NRP2: variants seen among roughly 807,000 people sequenced by gnomAD.
The protein encoded by NRP2 is neuropilin-2.
NRP2 carries 52 observed loss-of-function variants against 110.4 expected under a neutral mutation model. The ratio of observed to expected loss-of-function variants is 0.47; its 90% CI spans 0.38 to 0.59. The LOEUF (loss-of-function observed/expected upper bound fraction) is 0.59, where lower values mean the gene tolerates loss of function less well. Ranked by LOEUF, NRP2 falls within the 20% of genes least tolerant of loss-of-function variation. The pLI is 0.00. For missense variants in NRP2, 1,049 were observed against 1,203.0 expected (o/e 0.87, Z 1.89); for synonymous variants, 508 against 468.9 (o/e 1.08, Z -1.08).
At chr2:205,773,543 T>A (rs572045134) in intron 15 of NRP2, among the ~76,000 whole-genome samples, 1 of 152,090 alleles carries the variant, frequency 6.6e-6, no homozygotes, top group South Asian at 2.1e-4. Context: ...TTACTTAAAG[T>A]GGAGTTTGTC....
At chr2:205,776,808 ACTCAAGG>A (rs1194245172) in intron 15 of NRP2, 2 of 1,330,966 alleles carry the variant, frequency 1.5e-6, no homozygotes, top group Admixed American at 6.3e-5. Context: ...GCACTCCACA[ACTCAAGG>A]CTCAGCTGGT....
At chr2:205,780,006 T>C (rs780761546) in intron 15 of NRP2, among the ~76,000 whole-genome samples, 5 of 152,230 alleles carry the variant, frequency 3.3e-5, no homozygotes, top group Non-Finnish European at 5.9e-5. Flanking sequence ...CCACGAAATT[T>C]CTCTTGATGA....
chr2:205,763,534 A>T lies in NRP2; in HGVS notation c.2045-140A>T. On this transcript the variant is annotated intron_variant, in intron 12 of 16. Transcript: ENST00000357785. This position sits in a 1 kb window ranked among gnomAD's most constrained non-coding sequence, Gnocchi z 4.0. ...TGAAGGAGCCTTAAGAAAGGGTCAC[A>T]GAGCCTGGAGAACAAGGACATGAAT... 8.9e-7 allele frequency: 1 copy of T among 1,122,954 alleles called. No individual in the cohort carries two copies. The highest frequency in any genetic ancestry group is 1.3e-6 in the Non-Finnish European group (1 of 741,832). The allele number at this position is 1,122,954 out of a possible 1,614,324, so 69.6% of individuals were successfully genotyped here. A position where few individuals can be genotyped will look rare whatever the true frequency, so the allele number is the denominator to read the frequency against.
intron 15 of NRP2, chr2:205,776,406 G>C: frequency 6.2e-7 from 1 of 1,613,570 alleles, no homozygotes; most frequent in Non-Finnish European, 8.5e-7. Flanking sequence ...TCCGCTATGC[G>C]GCCAAGAAGA....
intron 9 of NRP2, among the ~76,000 whole-genome samples, chr2:205,745,072 T>G (rs1187544134): frequency 1.3e-5 from 2 of 152,166 alleles, no homozygotes; most frequent in Admixed American, 6.5e-5. Flanking sequence ...CGGATGAGTG[T>G]CTCCAAGTGT....
intron 15 of NRP2, among the ~76,000 whole-genome samples, chr2:205,786,543 C>T (rs1482588446): frequency 1.3e-5 from 2 of 152,182 alleles, no homozygotes; most frequent in Admixed American, 6.5e-5. Flanking sequence ...ACTTCTCTAC[C>T]CTCCCTCCTC....
At chr2:205,684,273 C>A (rs900081214) in intron 1 of NRP2, among the ~76,000 whole-genome samples, 4 of 152,104 alleles carry the variant, frequency 2.6e-5, no homozygotes, top group East Asian at 1.9e-4. Flanking sequence ...GCTTCCTTCT[C>A]GGACCACTCT....
At chr2:205,776,248 G>A in intron 15 of NRP2, 1 of 1,612,532 alleles carries the variant, frequency 6.2e-7, no homozygotes, top group Non-Finnish European at 8.5e-7. Context: ...TCCACCAGGG[G>A]GCACCCTCCT....
intron 7 of NRP2, among the ~76,000 whole-genome samples, chr2:205,734,606 A>G (rs1490818902): frequency 6.6e-6 from 1 of 152,102 alleles, no homozygotes; most frequent in Non-Finnish European, 1.5e-5. Context: ...GAGTCAGCAC[A>G]TTTGTTCCTG....
rs1323190363 is a variant in NRP2, at chr2:205,763,780, G to A, written c.2151G>A (p.Glu717=). The A allele has an allele frequency of 6.2e-7, 1 of 1,614,228 alleles. No homozygotes were observed. The highest frequency in any genetic ancestry group is 8.5e-7 in the Non-Finnish European group (1 of 1,180,038). ...TGCCCCGAAGCCCGGTGTGCATGGA[G>A]TTCCAGTACCAGGCCACGGGCGGCC... ...VHLPRSPVCM[E]FQYQATGGRG... is the part of the protein sequence containing the mutation. The change falls in exon 13 of 17, where the codon GAG becomes GAA. Residue 717 remains glutamate, a synonymous_variant. Transcript: ENST00000357785. This position sits in a 1 kb window ranked among gnomAD's most constrained non-coding sequence, Gnocchi z 4.0.
In NRP2 at chr2:205,794,920, C is replaced by T; in HGVS notation, c.2643C>T (p.Leu881=). Residue 881 remains leucine, a synonymous_variant, in exon 17 of 17, where the codon CTC becomes CTT. Transcript: ENST00000357785. ...GVLLGATCAG[L]LLYCTCSYSG... is the part of the protein sequence containing the mutation. ...TCCTGGGGGCCACCTGTGCAGGCCT[C>T]CTGCTCTACTGCACCTGTTCCTACT... is the stretch of plus-strand genomic sequence containing the variant. 6.2e-7 allele frequency: 1 copy of T among 1,614,156 alleles called. No individual in the cohort carries two copies. The highest frequency in any genetic ancestry group is 8.5e-7 in the Non-Finnish European group (1 of 1,180,022).
rs182550967 is a variant in NRP2, at chr2:205,769,386, A to G, written c.2425+2583A>G. On this transcript the variant is annotated intron_variant, in intron 15 of 16. Transcript: ENST00000357785. ...GGACCTGGAGTTATTAGATGGTCGC[A>G]ATCTTTTATATTTGGAAGTATCTTT... Among the ~76,000 whole-genome samples the G allele has an allele frequency of 1.5e-3, 231 of 152,248 alleles. 1 individual carries two copies. Among genetic ancestry groups the G allele is most frequent in the African/African-American group, 5.3e-3 (222 of 41,544 alleles).
chr2:205,763,680 G>A lies in NRP2; in HGVS notation c.2051G>A (p.Arg684Lys). Residue 684 changes from arginine (R) to lysine (K), a missense_variant, in exon 13 of 17, where the codon AGG (arginine) becomes AAG (lysine). Coordinates refer to ENST00000357785, the MANE Select transcript of NRP2 (RefSeq NM_003872.3). This position sits in a 1 kb window ranked among gnomAD's most constrained non-coding sequence, Gnocchi z 4.0. ...TTGGGTTTGTTTCTGCCAGATGACA[G>A]GAATTTCTTGCGGCTGCAGAGTGAC... Reference protein sequence around the residue: ...SPNDRTFPDDRNFLRLQSDSQ... With the variant: ...SPNDRTFPDDKNFLRLQSDSQ... 1 of 1,614,224 alleles carries A rather than the reference G, an allele frequency of 6.2e-7. No homozygotes were observed. Among genetic ancestry groups the A allele is most frequent in the Non-Finnish European group, 8.5e-7 (1 of 1,180,044 alleles).
intron 12 of NRP2, among the ~76,000 whole-genome samples, chr2:205,757,456 A>G (rs1300109626): frequency 6.6e-6 from 1 of 152,128 alleles, no homozygotes; most frequent in Admixed American, 6.6e-5. Context: ...GATTAAGTGA[A>G]GTGTGGATGG....
At chr2:205,790,617 A>G (rs2058289217) in intron 15 of NRP2, among the ~76,000 whole-genome samples, 1 of 151,212 alleles carries the variant, frequency 6.6e-6, no homozygotes, top group East Asian at 2.0e-4. Context: ...CAAACCAATT[A>G]ATTGTTGGAA....
chr2:205,768,640 C>T (rs550924937), intron 15 of NRP2, among the ~76,000 whole-genome samples: 92 of 152,326 alleles, frequency 6.0e-4, no homozygotes, highest in Admixed American at 2.2e-3. Context: ...CATAAAATCT[C>T]ATCTGAGCAG....
intron 15 of NRP2, among the ~76,000 whole-genome samples, chr2:205,782,153 G>A (rs1384267249): frequency 6.6e-6 from 1 of 152,100 alleles, no homozygotes; most frequent in African/African-American, 2.4e-5. Context: ...CAATCCCAGT[G>A]GATAACAGAC....
At chr2:205,690,012 GCA>G (rs2056273126) in intron 1 of NRP2, among the ~76,000 whole-genome samples, 1 of 152,232 alleles carries the variant, frequency 6.6e-6, no homozygotes, top group African/African-American at 2.4e-5. Flanking sequence ...GCTCTCGGTA[GCA>G]CAGAGTGCAC....
chr2:205,741,724 G>A (rs2057445538), intron 8 of NRP2, among the ~76,000 whole-genome samples: 1 of 152,212 alleles, frequency 6.6e-6, no homozygotes, highest in African/African-American at 2.4e-5. Context: ...CTGACAGGGA[G>A]TGCTCCAAGG....
Sources: allele counts gnomAD v4.1 joint callset (sites outside exome capture counted in the v4.1 genomes callset), GRCh38; gene constraint gnomAD v4.1.1; non-coding constraint Gnocchi (gnomAD v3.1); transcripts MANE v1.5; gene names NCBI Gene and HGNC (gene_info 2026-07-23, HGNC 2026-07-21).